The following ETV1 variants were observed in gnomAD, a reference collection of about 807,000 sequenced individuals.
ETV1 encodes ETS translocation variant 1.
A neutral mutation model predicts 62.3 loss-of-function variants in ETV1; 27 were observed. The observed-to-expected ratio is 0.43, with a 90% CI of 0.32 to 0.60. The LOEUF (loss-of-function observed/expected upper bound fraction) is 0.60. Among genes scored for constraint, ETV1 ranks in the 20% least tolerant of loss-of-function variants. ETV1 has a pLI of 0.06. For missense variants in ETV1, 605 were observed against 605.8 expected (o/e 1.00, Z 0.01); for synonymous variants, 222 against 199.6 (o/e 1.11, Z -0.94).
At chr7:13,907,753 A>G (rs1442933831) in intron 11 of ETV1, 3 of 453,552 alleles carry the variant, frequency 6.6e-6, no homozygotes. Flanking sequence ...CTAAGTGTGC[A>G]TTATAAAATA....
rs994341073 is a variant in ETV1 at position 13,894,617 on chromosome 7, A to C, written c.*1249T>G. On this transcript the variant is annotated 3_prime_UTR_variant, in exon 14 of 14. Transcript: ENST00000430479. ...GCATAAAAGCTGCTTATAGCATAGC[A>C]TGGCGTAAGCTATTTTTTAAGCAAT... 40 of 232,538 alleles carry C rather than the reference A, an allele frequency of 1.7e-4. No homozygotes were observed. The highest frequency in any genetic ancestry group is 8.6e-4 in the African/African-American group (39 of 45,310). The allele number at this position is 232,538 out of a possible 1,614,324, so 14.4% of individuals were successfully genotyped here. A position where few individuals can be genotyped will look rare whatever the true frequency, so the allele number is the denominator to read the frequency against.
chr7:13,956,104 T>C lies in ETV1; in HGVS notation c.236-16858A>G, dbSNP rs60787150. On this transcript the variant is annotated intron_variant, in intron 6 of 13. Coordinates refer to ENST00000430479, the MANE Select transcript of ETV1 (RefSeq NM_004956.5). ...CAAATTACAATTACATTTGACTTAGTTGATATGATCTAGTGATAAAGAAAT... is the reference window on the plus strand; with the variant it reads ...CAAATTACAATTACATTTGACTTAGCTGATATGATCTAGTGATAAAGAAAT... Among the ~76,000 whole-genome samples the C allele has an allele frequency of 3.6e-3, 545 of 152,334 alleles. 10 individuals are homozygous for C. Among genetic ancestry groups the C allele is most frequent in the African/African-American group, 0.012 (510 of 41,568 alleles).
intron 13 of ETV1, among the ~76,000 whole-genome samples, chr7:13,896,741 AAGG>A (rs1562577886): frequency 1.9e-4 from 23 of 120,552 alleles, no homozygotes; most frequent in African/African-American, 6.8e-4. Context: ...AAAAGAAAGA[AAGG>A]AAAGAAAGAA....
At chr7:13,966,680 T>C (rs572823047) in intron 6 of ETV1, among the ~76,000 whole-genome samples, 5 of 152,044 alleles carry the variant, frequency 3.3e-5, no homozygotes, top group African/African-American at 1.2e-4. Flanking sequence ...CAAAAAAACC[T>C]AAAATTACAT....
chr7:13,896,338 T>C (rs1322358110), intron 13 of ETV1, among the ~76,000 whole-genome samples: 1 of 152,124 alleles, frequency 6.6e-6, no homozygotes, highest in African/African-American at 2.4e-5. Flanking sequence ...CAGATATAGC[T>C]AGGAAGCACA....
At chr7:13,918,752 A>T (rs967892687) in intron 9 of ETV1, among the ~76,000 whole-genome samples, 1 of 151,662 alleles carries the variant, frequency 6.6e-6, no homozygotes, top group Non-Finnish European at 1.5e-5. Context: ...GAGGGATAGC[A>T]TTGGGAGATA....
intron 8 of ETV1, among the ~76,000 whole-genome samples, chr7:13,934,702 C>T (rs781234496): frequency 5.1e-4 from 77 of 152,196 alleles, no homozygotes; most frequent in Non-Finnish European, 1.0e-4. Context: ...ACCAATTATA[C>T]ACCTGAGGTT....
chr7:13,974,641 A>C (rs1004991524), intron 6 of ETV1, among the ~76,000 whole-genome samples: 1 of 152,256 alleles, frequency 6.6e-6, no homozygotes, highest in Non-Finnish European at 1.5e-5. Flanking sequence ...GATATTTTTG[A>C]AAGCTAGGAT....
intron 9 of ETV1, among the ~76,000 whole-genome samples, chr7:13,914,943 G>A (rs1783989302): frequency 6.6e-6 from 1 of 152,132 alleles, no homozygotes; most frequent in Admixed American, 6.6e-5. Context: ...CTATCAAATA[G>A]TGTGTAAATC....
chr7:13,906,296 T>C (rs1464116190), intron 12 of ETV1, 134 bp downstream of exon 12: 1 of 577,790 alleles, frequency 1.7e-6, no homozygotes, highest in Non-Finnish European at 2.8e-6. Context: ...TATCTTTGCA[T>C]GCTTTTTAAT....
At position 13,906,596 on chromosome 7, in the gene ETV1, T is replaced by A; in HGVS notation, c.944A>T (p.Asp315Val). The change falls in exon 12 of 14, where the codon GAC (aspartate) becomes GTC (valine). Residue 315 changes from aspartate (D) to valine (V), a missense_variant. Around this residue, in one of 3 missense-constraint regions of ETV1, gnomAD observed 100 missense variants for 156.4 expected, o/e 0.64. Coordinates refer to ENST00000430479, the MANE Select transcript of ETV1 (RefSeq NM_004956.5). ...TCVVPEKFDGDIKQEPGMYRE... is the reference protein window; with the variant it reads ...TCVVPEKFDGVIKQEPGMYRE... ...ATACATTCCTGGCTCTTGTTTGATG[T>A]CTCCTAAATTAAAACATTTTTAAGT... is the stretch of plus-strand genomic sequence containing the variant. The A allele has an allele frequency of 6.3e-7, 1 of 1,594,280 alleles. No homozygotes were observed. Among genetic ancestry groups the A allele is most frequent in the Non-Finnish European group, 8.5e-7 (1 of 1,172,552 alleles).
At chr7:13,976,143 C>T (rs1005557959) in intron 6 of ETV1, among the ~76,000 whole-genome samples, 1 of 152,130 alleles carries the variant, frequency 6.6e-6, no homozygotes, top group African/African-American at 2.4e-5. Context: ...AGACATCAAA[C>T]AGCATTATAC....
At chr7:13,964,062 C>T (rs1790487721) in intron 6 of ETV1, among the ~76,000 whole-genome samples, 1 of 152,184 alleles carries the variant, frequency 6.6e-6, no homozygotes, top group African/African-American at 2.4e-5. Flanking sequence ...ATTTGGCTTT[C>T]CCTACAGACC....
intron 4 of ETV1, among the ~76,000 whole-genome samples, chr7:13,987,720 A>T (rs111658545): frequency 6.6e-6 from 1 of 152,224 alleles, no homozygotes; most frequent in Non-Finnish European, 1.5e-5. Flanking sequence ...GAAAGAAAAA[A>T]GTAAGCAGTG....
At position 13,903,849 on chromosome 7, in the gene ETV1, T is replaced by A. The variant is rs566955564; in HGVS notation, c.1110+2581A>T. On this transcript the variant is annotated intron_variant, in intron 12 of 13. Coordinates refer to ENST00000430479, the MANE Select transcript of ETV1 (RefSeq NM_004956.5). ...AAAAATAGTATTTCATTATCTCAAA[T>A]ATCTAAGAAAAAGACATGTTAAAGA... Among the ~76,000 whole-genome samples, 17 of 151,806 alleles carry A rather than the reference T, an allele frequency of 1.1e-4. No individual in the cohort carries two copies. The East Asian group carries it at 3.3e-3, about 29-fold the overall frequency.
chr7:13,954,697 A>T (rs762476623), intron 6 of ETV1, among the ~76,000 whole-genome samples: 1 of 152,196 alleles, frequency 6.6e-6, no homozygotes, highest in Non-Finnish European at 1.5e-5. Flanking sequence ...TTTAGCACCA[A>T]AATGACATGC....
At chr7:13,950,741 T>C (rs1021553592) in intron 6 of ETV1, among the ~76,000 whole-genome samples, 9 of 152,126 alleles carry the variant, frequency 5.9e-5, no homozygotes, top group Admixed American at 6.6e-5. Flanking sequence ...ACTCTCACTT[T>C]CAGAAGGTCA....
chr7:13,977,603 C>T lies in ETV1; in HGVS notation c.182-123G>A, dbSNP rs1406813978. 31 of 656,514 alleles carry T rather than the reference C, an allele frequency of 4.7e-5. No homozygotes were observed. In the East Asian group the frequency reaches 7.4e-4, roughly 16 times the overall value. 40.7% of individuals were successfully genotyped at this position (656,514 alleles called of 1,614,324 possible). A position where few individuals can be genotyped will look rare whatever the true frequency, so the allele number is the denominator to read the frequency against. On this transcript the variant is annotated intron_variant, in intron 5 of 13. Coordinates refer to ENST00000430479, the MANE Select transcript of ETV1 (RefSeq NM_004956.5). ...TGAGATCAAACCTATGATTATTTGC[C>T]AATGAGCTCCTATTTAAAATGGTAT...
At chr7:13,898,495 T>C (rs1340616925) in intron 13 of ETV1, among the ~76,000 whole-genome samples, 1 of 152,222 alleles carries the variant, frequency 6.6e-6, no homozygotes, top group East Asian at 1.9e-4. Context: ...AATTTTGAAA[T>C]AGAAGTACAC....
Sources: gnomAD v4.1 joint callset for allele counts (sites outside exome capture counted in the v4.1 genomes callset) on GRCh38, gnomAD v4.1.1 for gene constraint, gnomAD v4.1.1 regional missense constraint, MANE v1.5 for transcripts, NCBI Gene and HGNC (gene_info 2026-07-23, HGNC 2026-07-21) for gene names.